FHOD1: variants seen among roughly 807,000 people sequenced by gnomAD.
The protein encoded by FHOD1 is formin homology 2 domain containing 1.
Under a neutral mutation model 111.6 loss-of-function variants are expected in FHOD1, and 89 were observed. The observed-to-expected ratio is 0.80, with a 90% CI of 0.67 to 0.95. The LOEUF (loss-of-function observed/expected upper bound fraction) is 0.95. FHOD1 is among the 40% of genes least tolerant of loss of function. FHOD1 has a pLI of 0.00. For synonymous variants in FHOD1, 618 were observed against 639.0 expected (o/e 0.97, Z 0.50); for missense variants, 1,446 against 1,554.2 (o/e 0.93, Z 1.17).
At position 67,237,019 on chromosome 16, in the gene FHOD1, C is replaced by T. The variant is rs2034510689; in HGVS notation, c.1089G>A (p.Arg363=). 1.9e-6 allele frequency: 3 copies of T among 1,611,708 alleles called. No homozygotes were observed. Among genetic ancestry groups the T allele is most frequent in the Middle Eastern group, 1.6e-4 (1 of 6,072 alleles). ...RRKPSSEEGK[R]SRRSLEGGGC... is the part of the protein sequence containing the mutation. ...CCCCGCCTTCCAGAGAACGGCGGCT[C>T]CTCTTGCCCTCCTCAGAAGAAGGCT... Residue 363 remains arginine (R), a synonymous_variant, in exon 10 of 22, where the codon AGG becomes AGA. Transcript: ENST00000258201. The surrounding 1 kb of genome is among the most constrained non-coding windows in gnomAD (Gnocchi z 5.6).
intron 1 of FHOD1, among the ~76,000 whole-genome samples, chr16:67,245,774 A>G (rs2034797853): frequency 6.6e-6 from 1 of 151,414 alleles, no homozygotes; most frequent in Admixed American, 6.6e-5. Context: ...GGGTGGTGTC[A>G]GGGCTAGGTC....
In FHOD1 at chr16:67,234,376, A is replaced by T. The variant is rs535833328; in HGVS notation, c.1416T>A (p.Asn472Lys). The T allele has an allele frequency of 1.2e-6, 2 of 1,610,856 alleles. No homozygotes were observed. Among genetic ancestry groups the T allele is most frequent in the African/African-American group, 2.7e-5 (2 of 74,896 alleles). The part of the protein sequence containing the change: ...RAETLAGAMP[N>K]EAGGHPDARQ... Reference sequence around the variant, plus strand: ...ACTCACCTGGGTGTCCACCCGCCTCATTGGGCATGGCCCCGGCAAGTGTCT... The same window carrying T: ...ACTCACCTGGGTGTCCACCCGCCTCTTTGGGCATGGCCCCGGCAAGTGTCT... Residue 472 changes from asparagine to lysine, a missense_variant, in exon 12 of 22, where the codon AAT becomes AAA. Around this residue, in one of 3 missense-constraint regions of FHOD1, gnomAD observed 1,085 missense variants for 1,108.8 expected, o/e 0.98. Coordinates refer to ENST00000258201, the MANE Select transcript of FHOD1 (RefSeq NM_013241.3).
At chr16:67,234,307 TGG>T in intron 12 of FHOD1, 40 bp from the exon 13 acceptor site, 1 of 1,599,460 alleles carries the variant, frequency 6.3e-7, no homozygotes, top group Non-Finnish European at 8.5e-7. Flanking sequence ...ATGCCCCCTG[TGG>T]GGCAACAAAG....
At position 67,238,193 on chromosome 16, in the gene FHOD1, G is replaced by A. The variant is rs1283586727; in HGVS notation, c.547+9C>T. 6.2e-6 allele frequency: 10 copies of A among 1,614,006 alleles called. No homozygotes were observed. The Admixed American group carries it at 6.7e-5, about 11-fold the overall frequency. ...GGAGCAGAGGTCATGGGAGAGGGGC[G>A]GGGCTGACCTCTAAGGATGTAGCTC... On this transcript the variant is annotated intron_variant, in intron 5 of 21. Transcript: ENST00000258201. This position sits in a 1 kb window ranked among gnomAD's most constrained non-coding sequence, Gnocchi z 4.2.
Position 67,236,963 on chromosome 16 carries a change from T to G in FHOD1, c.1142+3A>C. The G allele has an allele frequency of 6.3e-7, 1 of 1,580,020 alleles. No homozygotes were observed. ...TTTCCCATCTACAGATGCTCGTACT[T>G]ACCCAGGTTCCGGGGCACGCGCGGG... On this transcript the variant is annotated splice_donor_region_variant and intron_variant, in intron 10 of 21. Coordinates refer to ENST00000258201, the MANE Select transcript of FHOD1 (RefSeq NM_013241.3).
At chr16:67,230,280 G>A (rs373759873) in intron 19 of FHOD1, 34 bp downstream of exon 19, 25 of 1,613,410 alleles carry the variant, frequency 1.5e-5, no homozygotes, top group Non-Finnish European at 2.0e-5. Context: ...CCAAGGAGGT[G>A]GCAGTCAAGA....
rs920877703 is a variant in FHOD1, at chr16:67,229,416, G to C, written c.*220C>G. On this transcript the variant is annotated 3_prime_UTR_variant, in exon 22 of 22. Transcript: ENST00000258201. ...GGATTAGCTAAGAAAATTTTATTTT[G>C]CTCCGTGCGTTCAAGGAGCTCACAC... The C allele has an allele frequency of 6.9e-5, 41 of 597,424 alleles. No individual in the cohort carries two copies. The highest frequency in any genetic ancestry group is 1.2e-4 in the Non-Finnish European group (40 of 337,578). The allele number at this position is 597,424 out of a possible 1,614,324, so 37.0% of individuals were successfully genotyped here.
At chr16:67,234,526 A>T in intron 11 of FHOD1, 54 bp from the exon 12 acceptor site, 1 of 1,476,506 alleles carries the variant, frequency 6.8e-7, no homozygotes, top group Non-Finnish European at 9.2e-7. Context: ...GCCCAGGTGT[A>T]CATGCCTTGC....
chr16:67,241,114 A>ACCCCCCCCCCCCCCCCCC (rs1186229148), intron 1 of FHOD1, among the ~76,000 whole-genome samples: 2 of 83,316 alleles, frequency 2.4e-5, no homozygotes, highest in Admixed American at 1.2e-4. Flanking sequence ...CCCTTGGATG[A>ACCCCCCCCCCCCCCCCCC]CCCCCCCCCC....
Position 67,238,891 on chromosome 16 carries a change from T to G in FHOD1, c.373+12A>C, listed in dbSNP as rs1456965875. On this transcript the variant is annotated intron_variant, in intron 3 of 21. Coordinates refer to ENST00000258201, the MANE Select transcript of FHOD1 (RefSeq NM_013241.3). This position sits in a 1 kb window ranked among gnomAD's most constrained non-coding sequence, Gnocchi z 4.2. ...GAGGTGCTGCTGGACATGGATGCTC[T>G]CACACACTCACCCAAGATAGCGTTG... The G allele has an allele frequency of 5.0e-6, 8 of 1,614,078 alleles. No individual in the cohort carries two copies.
chr16:67,230,533 A>G (rs770378710), intron 18 of FHOD1, 27 bp from the exon 19 acceptor site: 9 of 1,613,648 alleles, frequency 5.6e-6, no homozygotes, highest in East Asian at 2.2e-5. Context: ...AGGGAGGGAC[A>G]GTAAGTCCTG....
intron 1 of FHOD1, among the ~76,000 whole-genome samples, chr16:67,241,280 C>T (rs2034660630): frequency 2.6e-5 from 4 of 152,164 alleles, no homozygotes; most frequent in Admixed American, 2.6e-4. Flanking sequence ...CCAGGGCCTA[C>T]TGGGAACAGG....
intron 1 of FHOD1, among the ~76,000 whole-genome samples, chr16:67,242,991 T>C (rs909565948): frequency 1.8e-4 from 28 of 151,478 alleles, no homozygotes; most frequent in Non-Finnish European, 2.7e-4. Flanking sequence ...TATCTAGACA[T>C]CTATTACATA....
rs2034231311 is a variant in FHOD1, at chr16:67,230,725, TCTC to T, written c.2731_2733del (p.Glu911del). The T allele has an allele frequency of 1.9e-6, 3 of 1,612,154 alleles. No homozygotes were observed. In the South Asian group the frequency reaches 3.3e-5, roughly 18 times the overall value. ...TCATGCTTGGCCAAGCTCCGCAGGC[TCTC>T]CTCGGCTGCCCGGCTCCGGCGCTCC... is the stretch of plus-strand genomic sequence containing the variant. On this transcript the variant is annotated inframe_deletion, in exon 18 of 22. Transcript: ENST00000258201.
rs1480595431 is a variant in FHOD1, at chr16:67,238,380, CTG to C, written c.439_440del (p.Gln147GlyfsTer8). Reference sequence around the variant, plus strand: ...CCCCCAGCCCACTGCGGGGCCTCACCTGGAAGATCTGCTTCAGTGAGAAGAGG... The same window carrying C: ...CCCCCAGCCCACTGCGGGGCCTCACCGAAGATCTGCTTCAGTGAGAAGAGG... The part of the protein sequence containing the change: ...RSLFSLKQIF[Q>X]EDKDLVPEFV... On this transcript the variant is annotated frameshift_variant and splice_region_variant, in exon 4 of 22. Transcript: ENST00000258201. LOFTEE classifies it high-confidence loss of function. This position sits in a 1 kb window ranked among gnomAD's most constrained non-coding sequence, Gnocchi z 4.2. 1 of 1,614,126 alleles carries C rather than the reference CTG, an allele frequency of 6.2e-7. No individual in the cohort carries two copies. Among genetic ancestry groups the C allele is most frequent in the Non-Finnish European group, 8.5e-7 (1 of 1,180,018 alleles).
rs770716017 is a variant in FHOD1, at chr16:67,236,672, C to T, written c.1204G>A (p.Gly402Ser). The T allele has an allele frequency of 1.5e-5, 24 of 1,605,888 alleles. No homozygotes were observed. The Admixed American group carries it at 3.9e-4, about 26-fold the overall frequency. ...TSSTGPALLT[G>S]PASSPVGPPS... is the part of the protein sequence containing the mutation. The stretch of plus-strand genomic sequence containing the variant: ...GGGCCCACAGGGCTGGAGGCGGGGC[C>T]TGTCAGCAGGGCGGGGCCGGTGGAA... Residue 402 changes from glycine (G) to serine (S), a missense_variant, in exon 11 of 22, where the codon GGC becomes AGC. Coordinates refer to ENST00000258201, the MANE Select transcript of FHOD1 (RefSeq NM_013241.3).
In FHOD1 at chr16:67,239,471, C is replaced by G. The variant is rs752261342; in HGVS notation, c.202-17G>C. The G allele has an allele frequency of 1.7e-5, 27 of 1,592,528 alleles. No homozygotes were observed. The East Asian group carries it at 6.0e-4, about 36-fold the overall frequency. On this transcript the variant is annotated splice_polypyrimidine_tract_variant and intron_variant, in intron 1 of 21. Coordinates refer to ENST00000258201, the MANE Select transcript of FHOD1 (RefSeq NM_013241.3). ...ATCCTCCAACTGGGGGCAAAGGGAA[C>G]AGCTGTGAGACTGAGGAAGAGGTGG...
rs2034153185 is a variant in FHOD1 at position 67,229,421 on chromosome 16, G to T, written c.*215C>A. ...AGCTAAGAAAATTTTATTTTGCTCC[G>T]TGCGTTCAAGGAGCTCACACACATG... On this transcript the variant is annotated 3_prime_UTR_variant, in exon 22 of 22. Transcript: ENST00000258201. The T allele has an allele frequency of 5.0e-6, 3 of 597,980 alleles. No individual in the cohort carries two copies. Among genetic ancestry groups the T allele is most frequent in the South Asian group, 4.3e-5 (2 of 46,198 alleles). 37.0% of individuals were successfully genotyped at this position (597,980 alleles called of 1,614,324 possible).
intron 1 of FHOD1, among the ~76,000 whole-genome samples, chr16:67,242,671 T>C (rs1379418391): frequency 6.6e-6 from 1 of 152,208 alleles, no homozygotes; most frequent in Non-Finnish European, 1.5e-5. Context: ...GGCTCTTGTC[T>C]TCCTCACTTC....
Sources: allele counts gnomAD v4.1 joint callset (sites outside exome capture counted in the v4.1 genomes callset), GRCh38; gene constraint gnomAD v4.1.1; regional missense constraint gnomAD v4.1.1; non-coding constraint Gnocchi (gnomAD v3.1); transcripts MANE v1.5; gene names NCBI Gene and HGNC (gene_info 2026-07-23, HGNC 2026-07-21).